Variants in IL2RA observed in about 807,000 individuals in gnomAD.
The protein encoded by IL2RA is interleukin-2 receptor subunit alpha.
Under a neutral mutation model 37.8 loss-of-function variants are expected in IL2RA, and 24 were observed. The observed-to-expected ratio is 0.63, with a 90% CI of 0.46 to 0.89. The LOEUF (loss-of-function observed/expected upper bound fraction) is 0.89, where lower values mean the gene tolerates loss of function less well. Ranked by LOEUF, IL2RA falls within the 40% of genes least tolerant of loss-of-function variation. IL2RA has a pLI of 0.00. For synonymous variants in IL2RA, 125 were observed against 114.6 expected (o/e 1.09, Z -0.58); for missense variants, 319 against 348.6 (o/e 0.92, Z 0.68).
chr10:6,051,711 G>A (rs1411787810), intron 1 of IL2RA, among the ~76,000 whole-genome samples: 2 of 143,770 alleles, frequency 1.4e-5, no homozygotes, highest in South Asian at 2.2e-4. Flanking sequence ...GTAGAGACGG[G>A]GTTTCACCAT....
intron 1 of IL2RA, among the ~76,000 whole-genome samples, chr10:6,049,250 C>T (rs547712237): frequency 5.3e-5 from 8 of 152,152 alleles, no homozygotes; most frequent in Non-Finnish European, 7.3e-5. Context: ...GAGCAGACGA[C>T]GGATGTCCCA....
intron 1 of IL2RA, among the ~76,000 whole-genome samples, chr10:6,049,049 G>A (rs1287291486): frequency 6.6e-6 from 1 of 152,244 alleles, no homozygotes; most frequent in Non-Finnish European, 1.5e-5. Context: ...ATAAATAAGA[G>A]AATATTTATA....
At chr10:6,027,756 A>G (rs2132862210) in intron 1 of IL2RA, among the ~76,000 whole-genome samples, 1 of 152,276 alleles carries the variant, frequency 6.6e-6, no homozygotes, top group Non-Finnish European at 1.5e-5. Flanking sequence ...TCAGATAGAG[A>G]CTGGACTGAA....
Position 6,062,359 on chromosome 10 carries a change from C to A in IL2RA, c.-208G>T. ...TAAGTATTGGGCTGGCGTGTTCAGC[C>A]AGGAAACTGCCTAGCACTCTCTTCT... On this transcript the variant is annotated 5_prime_UTR_variant, in exon 1 of 8. Coordinates refer to ENST00000379959, the MANE Select transcript of IL2RA (RefSeq NM_000417.3). The A allele has an allele frequency of 2.1e-6, 1 of 475,244 alleles. No individual in the cohort carries two copies. Among genetic ancestry groups the A allele is most frequent in the South Asian group, 2.6e-5 (1 of 38,128 alleles). The allele number at this position is 475,244 out of a possible 1,614,324, so 29.4% of individuals were successfully genotyped here. A position where few individuals can be genotyped will look rare whatever the true frequency, so the allele number is the denominator to read the frequency against.
Position 6,025,389 on chromosome 10 carries a change from C to T in IL2RA, c.256+445G>A, listed in dbSNP as rs1287079441. Among the ~76,000 whole-genome samples the T allele has an allele frequency of 2.0e-5, 3 of 151,674 alleles. No homozygotes were observed. The highest frequency in any genetic ancestry group is 7.3e-5 in the African/African-American group (3 of 41,242). ...AAAATTGTGTGGCCGGGCACTGTGA[C>T]TCATGCCTGTAATCCCAGCATTTTG... On this transcript the variant is annotated intron_variant, in intron 2 of 7. Coordinates refer to ENST00000379959, the MANE Select transcript of IL2RA (RefSeq NM_000417.3). This position sits in a 1 kb window ranked among gnomAD's most constrained non-coding sequence, Gnocchi z 4.4.
chr10:6,016,628 A>G (rs1839284678), intron 7 of IL2RA, among the ~76,000 whole-genome samples: 2 of 150,534 alleles, frequency 1.3e-5, no homozygotes, highest in African/African-American at 4.9e-5. Flanking sequence ...GCTGGAGTGT[A>G]GTGGCGCGAT....
intron 1 of IL2RA, among the ~76,000 whole-genome samples, chr10:6,034,357 C>T (rs1447759002): frequency 6.6e-6 from 1 of 152,140 alleles, no homozygotes; most frequent in Non-Finnish European, 1.5e-5. Flanking sequence ...CCAAACATCA[C>T]CTGAAGGCAG....
Position 6,026,080 on chromosome 10 carries a change from C to T in IL2RA, c.65-55G>A. 4 of 1,517,256 alleles carry T rather than the reference C, an allele frequency of 2.6e-6. No individual in the cohort carries two copies. In the Admixed American group the frequency reaches 6.7e-5, roughly 25 times the overall value. 94.0% of individuals were successfully genotyped at this position (1,517,256 alleles called of 1,614,324 possible). A position where few individuals can be genotyped will look rare whatever the true frequency, so the allele number is the denominator to read the frequency against. ...TCAAGAGGCCCCAGGCAAGTACTCA[C>T]ATATTTAATCCTATAATGACTTAAT... On this transcript the variant is annotated intron_variant, in intron 1 of 7. Transcript: ENST00000379959.
rs1386572827 is a variant in IL2RA, at chr10:6,023,077, C to A, written c.367+1167G>T. The stretch of plus-strand genomic sequence containing the variant: ...AAGTTTCCTCATCTAATCTGGGAGA[C>A]CTGAGGTCTGATTCCAGCCCTACTA... On this transcript the variant is annotated intron_variant, in intron 3 of 7. Transcript: ENST00000379959. Among the ~76,000 whole-genome samples the A allele has an allele frequency of 2.6e-5, 4 of 152,172 alleles. No individual in the cohort carries two copies. The East Asian group carries it at 7.7e-4, about 29-fold the overall frequency.
At chr10:6,032,313 G>C (rs1174753768) in intron 1 of IL2RA, among the ~76,000 whole-genome samples, 1 of 152,116 alleles carries the variant, frequency 6.6e-6, no homozygotes, top group African/African-American at 2.4e-5. Flanking sequence ...GTTGGAGATA[G>C]GCAAAGATTG....
At chr10:6,042,579 C>A (rs1170321085) in intron 1 of IL2RA, among the ~76,000 whole-genome samples, 3 of 151,994 alleles carry the variant, frequency 2.0e-5, no homozygotes, top group Non-Finnish European at 2.9e-5. Context: ...ATAAAATTGT[C>A]ATTTATAAGT....
At position 6,058,762 on chromosome 10, in the gene IL2RA, G is replaced by A. The variant is rs3134883; in HGVS notation, c.64+3326C>T. ...AGAAAGATGATCAAGGGACATACAA[G>A]CTCTCAGAATTTCCACAGTTCTGAG... On this transcript the variant is annotated intron_variant, in intron 1 of 7. Transcript: ENST00000379959. The surrounding 1 kb of genome is among the most constrained non-coding windows in gnomAD (Gnocchi z 4.2). Among the ~76,000 whole-genome samples, 34,947 of 152,084 alleles carry A rather than the reference G, an allele frequency of 0.23. 5,027 individuals are homozygous for A. Among genetic ancestry groups the A allele is most frequent in the South Asian group, 0.32 (1,524 of 4,818 alleles).
rs1839533353 is a variant in IL2RA at position 6,029,124 on chromosome 10, T to A, written c.65-3099A>T. ...ACTATGACCTGCAGATTTGCTGCCA[T>A]TTATTTTATTTATTTATTTATTTAT... On this transcript the variant is annotated intron_variant, in intron 1 of 7. Transcript: ENST00000379959. The surrounding 1 kb of genome is among the most constrained non-coding windows in gnomAD (Gnocchi z 4.6). 6.9e-6 allele frequency among the ~76,000 whole-genome samples: 1 copy of A among 144,372 alleles called. No individual in the cohort carries two copies. Among genetic ancestry groups the A allele is most frequent in the Non-Finnish European group, 1.5e-5 (1 of 67,032 alleles). The allele number at this position is 144,372 out of a possible 152,430, so 94.7% of individuals were successfully genotyped here. A position where few individuals can be genotyped will look rare whatever the true frequency, so the allele number is the denominator to read the frequency against.
chr10:6,030,377 G>T (rs748344841), intron 1 of IL2RA, among the ~76,000 whole-genome samples: 5 of 152,204 alleles, frequency 3.3e-5, no homozygotes, highest in Middle Eastern at 6.8e-3. Context: ...AAGATAATGA[G>T]AAAATCTTAA....
intron 2 of IL2RA, among the ~76,000 whole-genome samples, chr10:6,024,678 G>A (rs1400021654): frequency 6.6e-6 from 1 of 152,222 alleles, no homozygotes; most frequent in African/African-American, 2.4e-5. Flanking sequence ...GTGCATGTGT[G>A]TGTCTCTCAC....
At chr10:6,034,556 T>A (rs1839650217) in intron 1 of IL2RA, among the ~76,000 whole-genome samples, 1 of 152,040 alleles carries the variant, frequency 6.6e-6, no homozygotes, top group Non-Finnish European at 1.5e-5. Flanking sequence ...AACAGGAGGA[T>A]TCCACTTATA....
At position 6,014,115 on chromosome 10, in the gene IL2RA, A is replaced by G. The variant is rs1166695055; in HGVS notation, c.795-1219T>C. Among the ~76,000 whole-genome samples, 2 of 152,188 alleles carry G rather than the reference A, an allele frequency of 1.3e-5. No individual in the cohort carries two copies. The highest frequency in any genetic ancestry group is 2.9e-5 in the Non-Finnish European group (2 of 68,030). On this transcript the variant is annotated intron_variant, in intron 7 of 7. Coordinates refer to ENST00000379959, the MANE Select transcript of IL2RA (RefSeq NM_000417.3). This position sits in a 1 kb window ranked among gnomAD's most constrained non-coding sequence, Gnocchi z 4.4. Reference sequence around the variant, plus strand: ...ATTACAGGCAGGAGCTACTGCTCCCAGCCTAAATACTTTAATTTTCCATAA... The same window carrying G: ...ATTACAGGCAGGAGCTACTGCTCCCGGCCTAAATACTTTAATTTTCCATAA...
intron 5 of IL2RA, 56 bp from the exon 6 acceptor site, chr10:6,019,555 G>C (rs1009670614): frequency 4.6e-6 from 6 of 1,302,352 alleles, no homozygotes; most frequent in Non-Finnish European, 6.7e-6. Flanking sequence ...AGGACAGCAC[G>C]AGGCTAAAGG....
rs1399265751 is a variant in IL2RA, at chr10:6,051,834, T to G, written c.64+10254A>C. ...ATGCCCAGCTATATATATATATATA[T>G]ATATATATAGAATTTTTTAAGGAAA... On this transcript the variant is annotated intron_variant, in intron 1 of 7. Coordinates refer to ENST00000379959, the MANE Select transcript of IL2RA (RefSeq NM_000417.3). Among the ~76,000 whole-genome samples, 131 of 119,610 alleles carry G rather than the reference T, an allele frequency of 1.1e-3. 10 individuals carry two copies. In the East Asian group the frequency reaches 0.018, roughly 16 times the overall value. 78.5% of individuals were successfully genotyped at this position (119,610 alleles called of 152,430 possible). A position where few individuals can be genotyped will look rare whatever the true frequency, so the allele number is the denominator to read the frequency against.
Sources: allele counts gnomAD v4.1 joint callset (sites outside exome capture counted in the v4.1 genomes callset), GRCh38; gene constraint gnomAD v4.1.1; non-coding constraint Gnocchi (gnomAD v3.1); transcripts MANE v1.5; gene names NCBI Gene and HGNC (gene_info 2026-07-23, HGNC 2026-07-21).